MGAT4B: variants seen among roughly 807,000 people sequenced by gnomAD.
The protein encoded by MGAT4B is N-acetylglucosaminyltransferase IVb.
Under a neutral mutation model 73.9 loss-of-function variants are expected in MGAT4B, and 38 were observed. The ratio of observed to expected loss-of-function variants is 0.51; its 90% CI spans 0.40 to 0.67. The LOEUF (loss-of-function observed/expected upper bound fraction) is 0.67. MGAT4B is among the 30% of genes least tolerant of loss of function. The probability of loss-of-function intolerance (pLI) is 0.00; values close to 1 mark genes in which losing one functional copy is unlikely to be tolerated. For missense variants in MGAT4B, 686 were observed against 735.2 expected (o/e 0.93, Z 0.77); for synonymous variants, 373 against 313.5 (o/e 1.19, Z -2.01).
chr5:179,800,701 C>T (rs147021237), intron 5 of MGAT4B, 104 bp from the exon 6 acceptor site: 2 of 1,073,336 alleles, frequency 1.9e-6, no homozygotes, highest in African/African-American at 3.2e-5. Context: ...GTGCCAGCCC[C>T]CCACCACCCC....
Position 179,806,584 on chromosome 5 carries a change from C to G in MGAT4B, c.-1G>C. 1 of 1,268,584 alleles carries G rather than the reference C, an allele frequency of 7.9e-7. No homozygotes were observed. Among genetic ancestry groups the G allele is most frequent in the Non-Finnish European group, 1.0e-6 (1 of 978,610 alleles). The allele number at this position is 1,268,584 out of a possible 1,614,324, so 78.6% of individuals were successfully genotyped here. A position where few individuals can be genotyped will look rare whatever the true frequency, so the allele number is the denominator to read the frequency against. On this transcript the variant is annotated 5_prime_UTR_variant, in exon 1 of 15. Transcript: ENST00000292591. This position sits in a 1 kb window ranked among gnomAD's most constrained non-coding sequence, Gnocchi z 4.6. ...GGAAGGTGCCATTGCGGAGCCTCAT[C>G]TCCTCGGGTGCGCGGCGGGCGCCCG...
intron 8 of MGAT4B, 139 bp downstream of exon 8, chr5:179,799,815 G>C: frequency 9.9e-6 from 12 of 1,211,782 alleles, no homozygotes; most frequent in Admixed American, 1.9e-5. Flanking sequence ...AATGAGAACA[G>C]GCCAGGTGGG....
Position 179,801,115 on chromosome 5 carries a change from T to C in MGAT4B, c.559-162A>G. 1.7e-6 allele frequency: 2 copies of C among 1,143,888 alleles called. No individual in the cohort carries two copies. The highest frequency in any genetic ancestry group is 2.5e-6 in the Non-Finnish European group (2 of 814,272). 70.9% of individuals were successfully genotyped at this position (1,143,888 alleles called of 1,614,324 possible). On this transcript the variant is annotated intron_variant, in intron 4 of 14. Coordinates refer to ENST00000292591, the MANE Select transcript of MGAT4B (RefSeq NM_014275.5). The surrounding 1 kb of genome is among the most constrained non-coding windows in gnomAD (Gnocchi z 4.8). ...GGGCCCCCAGAGACGGCCCTTTCCC[T>C]TTGGGACTCGCATGGCCAAGGACTA...
rs1160452145 is a variant in MGAT4B at position 179,806,361 on chromosome 5, C to T, written c.97+126G>A. 2 of 379,228 alleles carry T rather than the reference C, an allele frequency of 5.3e-6. No homozygotes were observed. Among genetic ancestry groups the T allele is most frequent in the African/African-American group, 2.2e-5 (1 of 45,364 alleles). The allele number at this position is 379,228 out of a possible 1,614,324, so 23.5% of individuals were successfully genotyped here. ...GGGGAGGGTGGGAGGGGCGTCCTCG[C>T]GCCGCCCGGGCGGGGAAGGGGCGCC... On this transcript the variant is annotated intron_variant, in intron 1 of 14. Coordinates refer to ENST00000292591, the MANE Select transcript of MGAT4B (RefSeq NM_014275.5). The surrounding 1 kb of genome is among the most constrained non-coding windows in gnomAD (Gnocchi z 4.6).
At position 179,801,802 on chromosome 5, in the gene MGAT4B, T is replaced by G. The variant is rs1307863889; in HGVS notation, c.265A>C (p.Thr89Pro). ...ACCTCACCTGTTAGGCGGCCCCAGG[T>G]GCGATTGCCGTCTCCGTCTCGCAGC... is the stretch of plus-strand genomic sequence containing the variant. ...QALRDGDGNRTWGRLTEDPRL... is the reference protein window; with the variant it reads ...QALRDGDGNRPWGRLTEDPRL... The change falls in exon 2 of 15, where the codon ACC (threonine) becomes CCC (proline). Residue 89 changes from threonine (T) to proline (P), a missense_variant. By Grantham distance (38) the Thr-to-Pro change is conservative. This residue lies in a region of MGAT4B where 237 missense variants were observed against 198.5 expected (regional missense o/e 1.19). Transcript: ENST00000292591. This position sits in a 1 kb window ranked among gnomAD's most constrained non-coding sequence, Gnocchi z 4.8. 2 of 1,579,522 alleles carry G rather than the reference T, an allele frequency of 1.3e-6. No homozygotes were observed. Among genetic ancestry groups the G allele is most frequent in the Non-Finnish European group, 8.6e-7 (1 of 1,158,844 alleles).
rs1421956194 is a variant in MGAT4B at position 179,800,526 on chromosome 5, G to A, written c.677C>T (p.Ser226Phe). The change falls in exon 6 of 15, where the codon TCC becomes TTC. Residue 226 changes from serine to phenylalanine, a missense_variant. Ser to Phe is a radical substitution (Grantham distance 155). This residue lies in a region of MGAT4B where 449 missense variants were observed against 536.8 expected (regional missense o/e 0.84). Transcript: ENST00000292591. ...GTCCCCAAAGGACTCTCGGAGGCGG[G>A]AGAAGTCAGGGTAGAAGTGGGGGGA... Reference protein sequence around the residue: ...SPSPHFYPDFSRLRESFGDPK... With the variant: ...SPSPHFYPDFFRLRESFGDPK... 2 of 1,611,980 alleles carry A rather than the reference G, an allele frequency of 1.2e-6. No individual in the cohort carries two copies. The highest frequency in any genetic ancestry group is 1.7e-6 in the Non-Finnish European group (2 of 1,179,652).
chr5:179,802,631 G>C (rs1392981427), intron 1 of MGAT4B: 3 of 987,790 alleles, frequency 3.0e-6, no homozygotes, highest in South Asian at 9.3e-5. Context: ...TGCTGCGCCT[G>C]GGGCACCCTG....
chr5:179,797,981 T>C lies in MGAT4B; in HGVS notation c.*64A>G. On this transcript the variant is annotated 3_prime_UTR_variant, in exon 15 of 15. Transcript: ENST00000292591. ...GTATCTGGCCCTCCGGGGACGGCAG[T>C]GACGACACCCCCAGAAATGTGGGCT... The C allele has an allele frequency of 6.4e-7, 1 of 1,563,896 alleles. No homozygotes were observed.
intron 1 of MGAT4B, chr5:179,802,807 C>T: frequency 1.0e-6 from 1 of 985,594 alleles, no homozygotes; most frequent in Non-Finnish European, 1.2e-6. Flanking sequence ...CAACAACCTC[C>T]TGGTGGCTCG....
In MGAT4B at chr5:179,802,029, C is replaced by A. The variant is rs777883455; in HGVS notation, c.98-60G>T. 7.4e-6 allele frequency: 12 copies of A among 1,612,106 alleles called. No homozygotes were observed. The East Asian group carries it at 2.2e-4, about 30-fold the overall frequency. On this transcript the variant is annotated intron_variant, in intron 1 of 14. Transcript: ENST00000292591. ...GTCTAGAGCCACCCTACGGGCCCCTCCAGTGTGCCAGCGCACACATCTGGG... is the reference window on the plus strand; with the variant it reads ...GTCTAGAGCCACCCTACGGGCCCCTACAGTGTGCCAGCGCACACATCTGGG...
At position 179,799,506 on chromosome 5, in the gene MGAT4B, C is replaced by T. The variant is rs774379811; in HGVS notation, c.1041G>A (p.Ala347=). The T allele has an allele frequency of 3.7e-6, 6 of 1,613,840 alleles. 1 individual carries two copies. Among genetic ancestry groups the T allele is most frequent in the South Asian group, 2.2e-5 (2 of 91,080 alleles). Residue 347 remains alanine, a splice_region_variant and synonymous_variant, in exon 9 of 15, where the codon GCG becomes GCA. Transcript: ENST00000292591. ...GCCAGTCCCGCCAGCTCTTGCTCAC[C>T]GCATCCTTCTCGGGGTTGCAGACTT... is the stretch of plus-strand genomic sequence containing the variant. ...WVKVCNPEKD[A]KHCDRQKANL...
chr5:179,801,194 C>A lies in MGAT4B; in HGVS notation c.558+140G>T. On this transcript the variant is annotated intron_variant, in intron 4 of 14. Transcript: ENST00000292591. The surrounding 1 kb of genome is among the most constrained non-coding windows in gnomAD (Gnocchi z 4.8). ...AGAGGGTGCCAGAAAGCCCTTTCAACTTTCTATCTCGGAGCATTTGCGAAT... is the reference window on the plus strand; with the variant it reads ...AGAGGGTGCCAGAAAGCCCTTTCAAATTTCTATCTCGGAGCATTTGCGAAT... The A allele has an allele frequency of 7.5e-7, 1 of 1,333,824 alleles. No homozygotes were observed. The highest frequency in any genetic ancestry group is 1.0e-6 in the Non-Finnish European group (1 of 995,066). 82.6% of individuals were successfully genotyped at this position (1,333,824 alleles called of 1,614,324 possible). A position where few individuals can be genotyped will look rare whatever the true frequency, so the allele number is the denominator to read the frequency against.
At chr5:179,802,467 G>C in intron 1 of MGAT4B, 2 of 1,041,480 alleles carry the variant, frequency 1.9e-6, no homozygotes, top group Non-Finnish European at 2.3e-6. Context: ...ATGGCCCCGG[G>C]GGGTGGCTGC....
chr5:179,800,534 A>G lies in MGAT4B; in HGVS notation c.669T>C (p.Pro223=). The G allele has an allele frequency of 6.2e-7, 1 of 1,612,104 alleles. No homozygotes were observed. The highest frequency in any genetic ancestry group is 8.5e-7 in the Non-Finnish European group (1 of 1,179,608). Residue 223 remains proline (P), a synonymous_variant, in exon 6 of 15, where the codon CCT becomes CCC. Coordinates refer to ENST00000292591, the MANE Select transcript of MGAT4B (RefSeq NM_014275.5). ...EVISPSPHFY[P]DFSRLRESFG... ...AGGACTCTCGGAGGCGGGAGAAGTCAGGGTAGAAGTGGGGGGAGGGTGAGA... is the reference window on the plus strand; with the variant it reads ...AGGACTCTCGGAGGCGGGAGAAGTCGGGGTAGAAGTGGGGGGAGGGTGAGA...
Position 179,799,629 on chromosome 5 carries a change from C to A in MGAT4B, c.918G>T (p.Met306Ile). Reference protein sequence around the residue: ...EFSQLGFIGKMFKSLDLSLIV... With the variant: ...EFSQLGFIGKIFKSLDLSLIV... Reference sequence around the variant, plus strand: ...TCAGGCTCAGGTCCAGCGACTTGAACATCTTACCTGGTGGGGAGGGGCCTG... The same window carrying A: ...TCAGGCTCAGGTCCAGCGACTTGAAAATCTTACCTGGTGGGGAGGGGCCTG... Residue 306 changes from methionine to isoleucine, a missense_variant, in exon 9 of 15, where the codon ATG becomes ATT. Met to Ile is a conservative substitution (Grantham distance 10). Around this residue, in one of 2 missense-constraint regions of MGAT4B, gnomAD observed 449 missense variants for 536.8 expected, o/e 0.84. Coordinates refer to ENST00000292591, the MANE Select transcript of MGAT4B (RefSeq NM_014275.5). 1 of 1,613,638 alleles carries A rather than the reference C, an allele frequency of 6.2e-7. No individual in the cohort carries two copies. Among genetic ancestry groups the A allele is most frequent in the Non-Finnish European group, 8.5e-7 (1 of 1,180,024 alleles).
In MGAT4B at chr5:179,801,735, C is replaced by T. The variant is rs985533654; in HGVS notation, c.284-41G>A. On this transcript the variant is annotated intron_variant, in intron 2 of 14. Coordinates refer to ENST00000292591, the MANE Select transcript of MGAT4B (RefSeq NM_014275.5). This position sits in a 1 kb window ranked among gnomAD's most constrained non-coding sequence, Gnocchi z 4.8. ...AGGATCGGGACTGAGACCAGGGAAC[C>T]TACAACCAGCCCGCCCCCGCCTTTT... 1 of 1,587,952 alleles carries T rather than the reference C, an allele frequency of 6.3e-7. No individual in the cohort carries two copies. Among genetic ancestry groups the T allele is most frequent in the East Asian group, 2.3e-5 (1 of 43,846 alleles).
rs997662629 is a variant in MGAT4B at position 179,801,689 on chromosome 5, G to A, written c.289C>T (p.Pro97Ser). ...NRTWGRLTEDPRLKPWNGSHR... is the reference protein window; with the variant it reads ...NRTWGRLTEDSRLKPWNGSHR... ...GAGCCGTTCCACGGCTTCAATCGGGGGTCCTCTGGGTGGGTCGGGAAGGAT... is the reference window on the plus strand; with the variant it reads ...GAGCCGTTCCACGGCTTCAATCGGGAGTCCTCTGGGTGGGTCGGGAAGGAT... The change falls in exon 3 of 15, where the codon CCC becomes TCC. Residue 97 changes from proline to serine, a missense_variant. Pro to Ser is a moderately conservative substitution (Grantham distance 74, BLOSUM62 -1). This residue lies in a region of MGAT4B where 237 missense variants were observed against 198.5 expected (regional missense o/e 1.19). Transcript: ENST00000292591. This position sits in a 1 kb window ranked among gnomAD's most constrained non-coding sequence, Gnocchi z 4.8. 3.1e-6 allele frequency: 5 copies of A among 1,608,534 alleles called. No homozygotes were observed. Among genetic ancestry groups the A allele is most frequent in the Non-Finnish European group, 4.2e-6 (5 of 1,178,746 alleles).
Position 179,798,902 on chromosome 5 carries a change from C to T in MGAT4B, c.1343+26G>A, listed in dbSNP as rs1421853852. 2.5e-6 allele frequency: 4 copies of T among 1,612,610 alleles called. No homozygotes were observed. In the African/African-American group the frequency reaches 4.0e-5, roughly 16 times the overall value. ...GGGGGCCACCCAGCCCCGCCCCCATCGCAGACCCATGGTGCTGGCACTGAC... is the reference window on the plus strand; with the variant it reads ...GGGGGCCACCCAGCCCCGCCCCCATTGCAGACCCATGGTGCTGGCACTGAC... On this transcript the variant is annotated intron_variant, in intron 11 of 14. Coordinates refer to ENST00000292591, the MANE Select transcript of MGAT4B (RefSeq NM_014275.5).
In MGAT4B at chr5:179,801,114, C is replaced by T. The variant is rs961299604; in HGVS notation, c.559-161G>A. The T allele has an allele frequency of 8.7e-7, 1 of 1,147,588 alleles. No homozygotes were observed. Among genetic ancestry groups the T allele is most frequent in the African/African-American group, 1.5e-5 (1 of 64,538 alleles). 71.1% of individuals were successfully genotyped at this position (1,147,588 alleles called of 1,614,324 possible). ...GGGGCCCCCAGAGACGGCCCTTTCCCTTTGGGACTCGCATGGCCAAGGACT... is the reference window on the plus strand; with the variant it reads ...GGGGCCCCCAGAGACGGCCCTTTCCTTTTGGGACTCGCATGGCCAAGGACT... On this transcript the variant is annotated intron_variant, in intron 4 of 14. Transcript: ENST00000292591. The surrounding 1 kb of genome is among the most constrained non-coding windows in gnomAD (Gnocchi z 4.8).
Sources: gnomAD v4.1 joint callset for allele counts on GRCh38, gnomAD v4.1.1 for gene constraint, gnomAD v4.1.1 regional missense constraint, Gnocchi (gnomAD v3.1) non-coding constraint, MANE v1.5 for transcripts, NCBI Gene and HGNC (gene_info 2026-07-23, HGNC 2026-07-21) for gene names.